Variants in FMNL2 observed in about 807,000 individuals in gnomAD.
The protein encoded by FMNL2 is formin-like protein 2.
Under a neutral mutation model 130.2 loss-of-function variants are expected in FMNL2, and 51 were observed. That is an observed-to-expected ratio of 0.39 (90% CI 0.31 to 0.49). The LOEUF (loss-of-function observed/expected upper bound fraction) is 0.49, where lower values mean the gene tolerates loss of function less well. Ranked by LOEUF, FMNL2 falls within the 20% of genes least tolerant of loss-of-function variation. The pLI, the probability that FMNL2 is intolerant of heterozygous loss-of-function variation, is 0.85. For missense variants in FMNL2, 977 were observed against 1,316.2 expected, an observed-to-expected ratio of 0.74 and a Z score of 3.99; for synonymous variants, 465 against 467.1, an observed-to-expected ratio of 1.00 and a Z score of 0.06.
intron 1 of FMNL2, among the ~76,000 whole-genome samples, chr2:152,380,233 G>T (rs1424562574): frequency 6.6e-6 from 1 of 152,162 alleles, no homozygotes; most frequent in Non-Finnish European, 1.5e-5. Context: ...AATAAATACT[G>T]TACTGATTGA....
rs568554902 is a variant in FMNL2, at chr2:152,575,850, T to C, written c.705+606T>C. Among the ~76,000 whole-genome samples the C allele has an allele frequency of 1.4e-4, 21 of 152,264 alleles. No individual in the cohort carries two copies. In the South Asian group the frequency reaches 4.1e-3, roughly 30 times the overall value. ...TGGGCTCAGTGGTTCCTAATCTTTA[T>C]AAGAAGCACCTAGAAGATCGTTGAA... is the stretch of plus-strand genomic sequence containing the variant. On this transcript the variant is annotated intron_variant, in intron 7 of 25. Transcript: ENST00000288670.
At chr2:152,647,715 G>T in intron 25 of FMNL2, 81 bp from the exon 26 acceptor site, 1 of 1,323,268 alleles carries the variant, frequency 7.6e-7, no homozygotes, top group Non-Finnish European at 1.1e-6. Context: ...TGCTTTGATT[G>T]GCTGCCAGCT....
In FMNL2 at chr2:152,393,986, C is replaced by T. The variant is rs114339735; in HGVS notation, c.117+58266C>T. On this transcript the variant is annotated intron_variant, in intron 1 of 25. Coordinates refer to ENST00000288670, the MANE Select transcript of FMNL2 (RefSeq NM_052905.4). Reference sequence around the variant, plus strand: ...AAATGTAAAAACCATTCTTAGCTCACGGGCTGTAGAAGAACAGGCGGTGGG... The same window carrying T: ...AAATGTAAAAACCATTCTTAGCTCATGGGCTGTAGAAGAACAGGCGGTGGG... Among the ~76,000 whole-genome samples, 1,390 of 152,296 alleles carry T rather than the reference C, an allele frequency of 9.1e-3. 16 individuals carry two copies. Among genetic ancestry groups the T allele is most frequent in the African/African-American group, 0.026 (1,071 of 41,570 alleles).
intron 1 of FMNL2, among the ~76,000 whole-genome samples, chr2:152,358,037 T>C (rs62179556): frequency 0.14 from 21,510 of 152,152 alleles, 1,629 homozygotes; most frequent in East Asian, 0.17. Context: ...GCTGCCAGTG[T>C]GGCTAGAATA....
intron 2 of FMNL2, among the ~76,000 whole-genome samples, chr2:152,533,641 GA>G (rs902767220): frequency 7.1e-6 from 1 of 140,720 alleles, no homozygotes; most frequent in African/African-American, 2.6e-5. Flanking sequence ...CAGTTTCTAA[GA>G]AAAAAAAACC....
intron 15 of FMNL2, 24 bp downstream of exon 15, chr2:152,619,742 AG>A (rs1178576132): frequency 1.3e-6 from 2 of 1,597,558 alleles, no homozygotes; most frequent in Non-Finnish European, 1.7e-6. Context: ...ATTCAAACCC[AG>A]GTACTCATAT....
intron 3 of FMNL2, among the ~76,000 whole-genome samples, chr2:152,548,245 TTAACA>T (rs932846219): frequency 6.6e-6 from 1 of 151,954 alleles, no homozygotes; most frequent in Non-Finnish European, 1.5e-5. Context: ...AGAAAAAAAA[TTAACA>T]TAGCAGGCCT....
At chr2:152,420,988 T>C (rs1299986745) in intron 1 of FMNL2, among the ~76,000 whole-genome samples, 1 of 152,208 alleles carries the variant, frequency 6.6e-6, no homozygotes, top group African/African-American at 2.4e-5. Flanking sequence ...TCTGCAAGGA[T>C]TGTAGGGTAC....
At chr2:152,573,384 A>T (rs1696289894) in intron 6 of FMNL2, among the ~76,000 whole-genome samples, 1 of 152,230 alleles carries the variant, frequency 6.6e-6, no homozygotes. Context: ...GCTTTTTCAC[A>T]TGATCACCCA....
intron 1 of FMNL2, among the ~76,000 whole-genome samples, chr2:152,457,694 A>G (rs1253578866): frequency 6.6e-6 from 1 of 152,234 alleles, no homozygotes; most frequent in African/African-American, 2.4e-5. Context: ...ATGGCATGAA[A>G]TAACACAGAT....
At chr2:152,417,983 C>T (rs544361369) in intron 1 of FMNL2, among the ~76,000 whole-genome samples, 1 of 152,120 alleles carries the variant, frequency 6.6e-6, no homozygotes, top group South Asian at 2.1e-4. Flanking sequence ...GTAGGTGGGA[C>T]TACAGGTGCT....
At chr2:152,506,615 G>A (rs1184551209) in intron 1 of FMNL2, among the ~76,000 whole-genome samples, 1 of 152,168 alleles carries the variant, frequency 6.6e-6, no homozygotes, top group Non-Finnish European at 1.5e-5. Flanking sequence ...CTGCGGGAAA[G>A]TAGTAATATC....
intron 9 of FMNL2, among the ~76,000 whole-genome samples, chr2:152,589,940 C>CATAT (rs771625998): frequency 1.7e-3 from 117 of 66,928 alleles, no homozygotes; most frequent in East Asian, 2.9e-3. Context: ...TGGCTTTATA[C>CATAT]ATATATATAT....
At chr2:152,622,549 A>G (rs747382173) in intron 15 of FMNL2, 2 of 456,746 alleles carry the variant, frequency 4.4e-6, no homozygotes, top group South Asian at 3.1e-5. Context: ...GGGCCAATCA[A>G]GCTTTTCTGT....
intron 1 of FMNL2, among the ~76,000 whole-genome samples, chr2:152,378,798 C>T (rs575785276): frequency 1.1e-4 from 16 of 152,014 alleles, no homozygotes; most frequent in East Asian, 7.7e-4. Context: ...TACACAACAT[C>T]TGTATTATTA....
At chr2:152,372,915 G>C (rs762708119) in intron 1 of FMNL2, among the ~76,000 whole-genome samples, 1 of 152,198 alleles carries the variant, frequency 6.6e-6, no homozygotes, top group Admixed American at 6.5e-5. Context: ...CCAAGAAGAG[G>C]TATCTGGGAG....
At chr2:152,341,184 G>T (rs1681782488) in intron 1 of FMNL2, among the ~76,000 whole-genome samples, 1 of 152,204 alleles carries the variant, frequency 6.6e-6, no homozygotes, top group Non-Finnish European at 1.5e-5. Flanking sequence ...GAGTGTGGAA[G>T]AGGGGTGGTG....
chr2:152,589,241 G>A (rs1459358987), intron 9 of FMNL2, among the ~76,000 whole-genome samples: 1 of 151,864 alleles, frequency 6.6e-6, no homozygotes, highest in Admixed American at 6.6e-5. Flanking sequence ...TCTGCTCCAC[G>A]CAAGCCTGAG....
intron 1 of FMNL2, among the ~76,000 whole-genome samples, chr2:152,345,535 G>C (rs1320482631): frequency 6.6e-6 from 1 of 152,170 alleles, no homozygotes; most frequent in East Asian, 1.9e-4. Context: ...GCAGTGAATT[G>C]GGTGAATAGC....
Sources: allele counts gnomAD v4.1 joint callset (sites outside exome capture counted in the v4.1 genomes callset), GRCh38; gene constraint gnomAD v4.1.1; transcripts MANE v1.5; gene names NCBI Gene and HGNC (gene_info 2026-07-23, HGNC 2026-07-21).